Variants in ANKRD31 observed in about 807,000 individuals in gnomAD.
ANKRD31 encodes ankyrin repeat domain-containing protein 31.
ANKRD31 carries 147 observed loss-of-function variants against 186.0 expected under a neutral mutation model. That is an observed-to-expected ratio of 0.79 (90% CI 0.69 to 0.91). ANKRD31 has a LOEUF of 0.91. Ranked by LOEUF, ANKRD31 falls within the 40% of genes least tolerant of loss-of-function variation. The pLI, the probability that ANKRD31 is intolerant of heterozygous loss-of-function variation, is 0.00. For synonymous variants in ANKRD31, 673 were observed against 736.4 expected (o/e 0.91, Z 1.39); for missense variants, 1,986 against 2,148.8 (o/e 0.92, Z 1.50).
intron 10 of ANKRD31, among the ~76,000 whole-genome samples, chr5:75,182,549 T>C (rs1395427455): frequency 6.6e-6 from 1 of 151,910 alleles, no homozygotes; most frequent in African/African-American, 2.4e-5. Context: ...TAAAACCCCA[T>C]CTCTACTAAA....
intron 15 of ANKRD31, 26 bp downstream of exon 15, chr5:75,143,975 A>T (rs1053569717): frequency 8.1e-5 from 32 of 396,702 alleles, no homozygotes; most frequent in African/African-American, 6.4e-4. Context: ...GTAAACTTTA[A>T]CCTATACAAT....
At chr5:75,222,191 C>A in intron 3 of ANKRD31, 58 bp downstream of exon 3, 2 of 1,265,860 alleles carry the variant, frequency 1.6e-6, no homozygotes, top group South Asian at 1.5e-5. Context: ...ATTTGCCACT[C>A]TGAGCGATAG....
chr5:75,127,968 C>A (rs1037998430), intron 17 of ANKRD31, among the ~76,000 whole-genome samples: 6 of 152,130 alleles, frequency 3.9e-5, no homozygotes, highest in Non-Finnish European at 8.8e-5. Context: ...ACAGTTGAGT[C>A]CGTGTTAGAT....
intron 20 of ANKRD31, among the ~76,000 whole-genome samples, chr5:75,110,437 C>T (rs897184124): frequency 2.6e-5 from 4 of 151,696 alleles, no homozygotes; most frequent in African/African-American, 7.3e-5. Context: ...CTGGGCCAGG[C>T]GCAGTGGCTC....
chr5:75,142,777 T>C (rs544201673), intron 15 of ANKRD31, among the ~76,000 whole-genome samples: 29 of 152,278 alleles, frequency 1.9e-4, no homozygotes, highest in Non-Finnish European at 3.8e-4. Context: ...TGCCATTGTT[T>C]TAGGGAATCC....
chr5:75,189,534 A>G (rs1171524524), intron 9 of ANKRD31, among the ~76,000 whole-genome samples: 1 of 152,164 alleles, frequency 6.6e-6, no homozygotes, highest in Admixed American at 6.6e-5. Context: ...TAACAAACCC[A>G]ACTGCTGAAC....
chr5:75,104,692 T>C lies in ANKRD31; in HGVS notation c.4867A>G (p.Thr1623Ala). 6.5e-7 allele frequency: 1 copy of C among 1,536,606 alleles called. No homozygotes were observed. The highest frequency in any genetic ancestry group is 8.7e-7 in the Non-Finnish European group (1 of 1,146,722). The change falls in exon 22 of 26, where the codon ACA becomes GCA. Residue 1623 changes from threonine (T) to alanine (A), a missense_variant. Transcript: ENST00000506364. Reference sequence around the variant, plus strand: ...TCATGGTCTTTGTCTGTAGCTTCTGTAAGATCATTCTCTTTCTGTGAATAT... The same window carrying C: ...TCATGGTCTTTGTCTGTAGCTTCTGCAAGATCATTCTCTTTCTGTGAATAT... Reference protein sequence around the residue: ...TEYSQKENDLTEATDKDHEFY... With the variant: ...TEYSQKENDLAEATDKDHEFY...
At chr5:75,083,579 A>G (rs1359176207) in intron 24 of ANKRD31, among the ~76,000 whole-genome samples, 1 of 152,052 alleles carries the variant, frequency 6.6e-6, no homozygotes, top group Admixed American at 6.6e-5. Context: ...AACTACAAAA[A>G]ATTAGCCGGG....
At chr5:75,129,562 G>T (rs550318591) in intron 17 of ANKRD31, among the ~76,000 whole-genome samples, 26 of 152,232 alleles carry the variant, frequency 1.7e-4, no homozygotes, top group African/African-American at 6.0e-4. Flanking sequence ...AAAATATCTA[G>T]AGATAGATAA....
At chr5:75,154,385 G>C in intron 11 of ANKRD31, 40 bp from the exon 12 acceptor site, 1 of 1,488,874 alleles carries the variant, frequency 6.7e-7, no homozygotes, top group Non-Finnish European at 8.9e-7. Context: ...CCAGATTGAG[G>C]GTGTATTACT....
intron 11 of ANKRD31, 37 bp downstream of exon 11, chr5:75,168,942 T>C: frequency 1.3e-6 from 2 of 1,486,476 alleles, no homozygotes; most frequent in Non-Finnish European, 9.0e-7. Context: ...ATTTGCAAAA[T>C]ATAGTATTTG....
At chr5:75,213,215 C>A (rs1042347907) in intron 3 of ANKRD31, among the ~76,000 whole-genome samples, 51 of 152,276 alleles carry the variant, frequency 3.3e-4, no homozygotes, top group African/African-American at 1.2e-3. Flanking sequence ...ACAGGGTATA[C>A]CTACACACTT....
At chr5:75,177,390 A>G (rs927317755) in intron 10 of ANKRD31, among the ~76,000 whole-genome samples, 1 of 152,150 alleles carries the variant, frequency 6.6e-6, no homozygotes, top group Non-Finnish European at 1.5e-5. Context: ...GAACGCCACA[A>G]AGATACTCCT....
intron 17 of ANKRD31, among the ~76,000 whole-genome samples, chr5:75,126,052 C>T (rs1749228754): frequency 6.6e-6 from 1 of 152,190 alleles, no homozygotes; most frequent in Non-Finnish European, 1.5e-5. Context: ...TATTGCTTTA[C>T]ATTTTGCTTT....
intron 17 of ANKRD31, among the ~76,000 whole-genome samples, chr5:75,136,606 C>T (rs1227159981): frequency 4.6e-5 from 7 of 152,162 alleles, no homozygotes; most frequent in Admixed American, 1.3e-4. Context: ...GACAGTGTGG[C>T]GATTCCTCAA....
At chr5:75,129,919 G>A (rs1749617805) in intron 17 of ANKRD31, among the ~76,000 whole-genome samples, 1 of 152,180 alleles carries the variant, frequency 6.6e-6, no homozygotes, top group African/African-American at 2.4e-5. Context: ...GGAAAATCGG[G>A]ACACTCCTAC....
In ANKRD31 at chr5:75,199,633, T is replaced by C. The variant is rs1755688367; in HGVS notation, c.445A>G (p.Lys149Glu). The C allele has an allele frequency of 6.5e-7, 1 of 1,531,462 alleles. No homozygotes were observed. Among genetic ancestry groups the C allele is most frequent in the South Asian group, 1.2e-5 (1 of 83,610 alleles). 94.9% of individuals were successfully genotyped at this position (1,531,462 alleles called of 1,614,324 possible). A position where few individuals can be genotyped will look rare whatever the true frequency, so the allele number is the denominator to read the frequency against. The change falls in exon 6 of 26, where the codon AAG (lysine) becomes GAG (glutamate). Residue 149 changes from lysine to glutamate, a missense_variant and splice_region_variant. Coordinates refer to ENST00000506364, the MANE Select transcript of ANKRD31 (RefSeq NM_001372053.1). ...ESPEVLPHIE[K>E]ELSEGRDSPE... ...TAATTTCTGTTATACAGACCAACCT[T>C]TTCTATGTGTGGCAAAACTTCAGGA...
At chr5:75,200,911 C>CA (rs10664301) in intron 5 of ANKRD31, among the ~76,000 whole-genome samples, 11,863 of 131,496 alleles carry the variant, frequency 0.09, 1,185 homozygotes, top group African/African-American at 0.25. Flanking sequence ...GACTTCGCCT[C>CA]AAAAAAAAAA....
chr5:75,172,500 T>C (rs1374008621), intron 10 of ANKRD31, among the ~76,000 whole-genome samples: 3 of 151,290 alleles, frequency 2.0e-5, no homozygotes, highest in Admixed American at 6.6e-5. Flanking sequence ...GCAAGACTGA[T>C]AAAGAAGAAA....
Sources: gnomAD v4.1 joint callset for allele counts (sites outside exome capture counted in the v4.1 genomes callset) on GRCh38, gnomAD v4.1.1 for gene constraint, MANE v1.5 for transcripts, NCBI Gene and HGNC (gene_info 2026-07-23, HGNC 2026-07-21) for gene names.